NKAIN3: variants seen among roughly 807,000 people sequenced by gnomAD.
The protein encoded by NKAIN3 is sodium/potassium transporting ATPase interacting 3.
Under a neutral mutation model 30.2 loss-of-function variants are expected in NKAIN3, and 25 were observed. The ratio of observed to expected loss-of-function variants is 0.83; its 90% CI spans 0.60 to 1.16. The LOEUF (loss-of-function observed/expected upper bound fraction) is 1.16. Ranked by LOEUF, NKAIN3 falls within the 50% of genes most tolerant of loss-of-function variation. NKAIN3 has a pLI of 0.00. For synonymous variants in NKAIN3, 91 were observed against 89.6 expected, an observed-to-expected ratio of 1.02 and a Z score of -0.09; for missense variants, 225 against 254.1, an observed-to-expected ratio of 0.89 and a Z score of 0.78.
chr8:62,331,896 C>A (rs981497998), intron 1 of NKAIN3, among the ~76,000 whole-genome samples: 2 of 152,058 alleles, frequency 1.3e-5, no homozygotes, highest in African/African-American at 2.4e-5. Flanking sequence ...ATATGAGTCA[C>A]CTAATGTCTT....
At chr8:62,322,316 G>T (rs1050019925) in intron 1 of NKAIN3, among the ~76,000 whole-genome samples, 64 of 152,034 alleles carry the variant, frequency 4.2e-4, no homozygotes, top group African/African-American at 1.5e-3. Flanking sequence ...CTCACGCTCG[G>T]TGCACTGTAC....
At position 62,968,111 on chromosome 8, in the gene NKAIN3, T is replaced by C. The variant is rs1004987595; in HGVS notation, c.*2704T>C. 6.6e-6 allele frequency among the ~76,000 whole-genome samples: 1 copy of C among 152,244 alleles called. No individual in the cohort carries two copies. The highest frequency in any genetic ancestry group is 1.5e-5 in the Non-Finnish European group (1 of 68,034). On this transcript the variant is annotated 3_prime_UTR_variant, in exon 7 of 7. Coordinates refer to ENST00000623646, the MANE Select transcript of NKAIN3 (RefSeq NM_001304533.3). ...AAGATTGTCCTAACATTCTGGATAT[T>C]TGCCACTCATCAGAAACAAGTTAGA...
rs1276709058 is a variant in NKAIN3 at position 62,971,238 on chromosome 8, T to A, written c.*5831T>A. On this transcript the variant is annotated 3_prime_UTR_variant, in exon 7 of 7. Coordinates refer to ENST00000623646, the MANE Select transcript of NKAIN3 (RefSeq NM_001304533.3). The stretch of plus-strand genomic sequence containing the variant: ...TATGCCTCAGAAATACACACACTAC[T>A]TCTGTTTACATCTCATTAGCCAAAA... Among the ~76,000 whole-genome samples the A allele has an allele frequency of 6.6e-6, 1 of 152,204 alleles. No homozygotes were observed. The highest frequency in any genetic ancestry group is 1.5e-5 in the Non-Finnish European group (1 of 68,024).
rs1166593817 is a variant in NKAIN3, at chr8:62,805,957, G to GA, written c.471+58834dup. On this transcript the variant is annotated intron_variant, in intron 4 of 6. Transcript: ENST00000623646. The stretch of plus-strand genomic sequence containing the variant: ...CAATGAACTCAAACAAATTTACAAG[G>GA]AAAAAACAAACAACCCCATCGAAAA... Among the ~76,000 whole-genome samples the GA allele has an allele frequency of 2.6e-5, 4 of 151,472 alleles. No homozygotes were observed. The South Asian group carries it at 6.3e-4, about 24-fold the overall frequency.
At chr8:62,442,624 T>C (rs1325545968) in intron 1 of NKAIN3, among the ~76,000 whole-genome samples, 4 of 151,878 alleles carry the variant, frequency 2.6e-5, no homozygotes, top group South Asian at 2.1e-4. Context: ...ATTTTCTTTT[T>C]ATTTTTGGCT....
chr8:62,769,302 G>A lies in NKAIN3; in HGVS notation c.471+22173G>A, dbSNP rs188250842. On this transcript the variant is annotated intron_variant, in intron 4 of 6. Transcript: ENST00000623646. Reference sequence around the variant, plus strand: ...ATAAAATAATATGCCCCAATTATCCGGATGTGTAATTTAGGAAGTAATAAA... The same window carrying A: ...ATAAAATAATATGCCCCAATTATCCAGATGTGTAATTTAGGAAGTAATAAA... 3.3e-4 allele frequency among the ~76,000 whole-genome samples: 50 copies of A among 152,266 alleles called. No homozygotes were observed. In the East Asian group the frequency reaches 7.3e-3, roughly 22 times the overall value.
Position 62,970,125 on chromosome 8 carries a change from T to C in NKAIN3, c.*4718T>C, listed in dbSNP as rs904151369. 1.7e-5 allele frequency among the ~76,000 whole-genome samples: 1 copy of C among 59,508 alleles called. No homozygotes were observed. Among genetic ancestry groups the C allele is most frequent in the Non-Finnish European group, 2.6e-5 (1 of 38,166 alleles). 39.0% of individuals were successfully genotyped at this position (59,508 alleles called of 152,430 possible). A position where few individuals can be genotyped will look rare whatever the true frequency, so the allele number is the denominator to read the frequency against. Reference sequence around the variant, plus strand: ...CTATGACCCCAGCCACTTGAGGGACTGAGGGAAGGGAAGATTACTTGAGCC... The same window carrying C: ...CTATGACCCCAGCCACTTGAGGGACCGAGGGAAGGGAAGATTACTTGAGCC... On this transcript the variant is annotated 3_prime_UTR_variant, in exon 7 of 7. Coordinates refer to ENST00000623646, the MANE Select transcript of NKAIN3 (RefSeq NM_001304533.3).
At chr8:62,881,295 T>C (rs1820973741) in intron 4 of NKAIN3, among the ~76,000 whole-genome samples, 2 of 152,196 alleles carry the variant, frequency 1.3e-5, no homozygotes, top group African/African-American at 4.8e-5. Flanking sequence ...ATTCATCTGT[T>C]CCTCCCTATA....
intron 1 of NKAIN3, among the ~76,000 whole-genome samples, chr8:62,415,801 A>G (rs574819961): frequency 1.3e-5 from 2 of 151,726 alleles, no homozygotes; most frequent in African/African-American, 4.8e-5. Flanking sequence ...TCTGTCGCCC[A>G]GGCTGGAGTG....
At chr8:62,295,242 G>T (rs2129587404) in intron 1 of NKAIN3, among the ~76,000 whole-genome samples, 1 of 152,288 alleles carries the variant, frequency 6.6e-6, no homozygotes, top group African/African-American at 2.4e-5. Flanking sequence ...GAGACAAGCA[G>T]ATTATAGTAG....
At chr8:62,887,591 GC>G (rs1359996683) in intron 4 of NKAIN3, among the ~76,000 whole-genome samples, 1 of 151,508 alleles carries the variant, frequency 6.6e-6, no homozygotes, top group Non-Finnish European at 1.5e-5. Context: ...TTTTTTATTT[GC>G]TTTTTCATTT....
At chr8:62,469,598 A>G (rs1280200991) in intron 1 of NKAIN3, among the ~76,000 whole-genome samples, 4 of 152,046 alleles carry the variant, frequency 2.6e-5, no homozygotes, top group African/African-American at 4.8e-5. Context: ...ATCTCCCCTT[A>G]CTATTTTTAT....
At chr8:62,357,410 C>T (rs1474016887) in intron 1 of NKAIN3, among the ~76,000 whole-genome samples, 2 of 152,222 alleles carry the variant, frequency 1.3e-5, no homozygotes, top group Non-Finnish European at 2.9e-5. Flanking sequence ...CAAGATTCTT[C>T]CTGTCTTCAC....
intron 1 of NKAIN3, among the ~76,000 whole-genome samples, chr8:62,336,580 C>T (rs1291869948): frequency 6.6e-6 from 1 of 151,834 alleles, no homozygotes; most frequent in African/African-American, 2.4e-5. Context: ...TGCTTGATTC[C>T]AAAGCTGTCC....
intron 3 of NKAIN3, among the ~76,000 whole-genome samples, chr8:62,661,356 A>T (rs1481864288): frequency 6.6e-6 from 1 of 152,208 alleles, no homozygotes; most frequent in African/African-American, 2.4e-5. Flanking sequence ...CACAGCTCAC[A>T]GCTTCTTGAC....
intron 6 of NKAIN3, among the ~76,000 whole-genome samples, chr8:62,960,118 T>C (rs1264774235): frequency 1.3e-5 from 2 of 152,248 alleles, no homozygotes; most frequent in Admixed American, 6.5e-5. Flanking sequence ...TGTGTGTATA[T>C]AGCTTACGCA....
chr8:62,612,580 T>G (rs1228786670), intron 3 of NKAIN3, among the ~76,000 whole-genome samples: 1 of 151,958 alleles, frequency 6.6e-6, no homozygotes, highest in Non-Finnish European at 1.5e-5. Flanking sequence ...GTCTTTTGAT[T>G]AAAGAGTTTA....
At chr8:62,512,056 G>A (rs13254521) in intron 1 of NKAIN3, among the ~76,000 whole-genome samples, 17,881 of 151,978 alleles carry the variant, frequency 0.12, 1,322 homozygotes, top group African/African-American at 0.21. Flanking sequence ...CATGTCATAG[G>A]CACTTAATAA....
At chr8:62,935,320 T>C (rs2130876495) in intron 5 of NKAIN3, among the ~76,000 whole-genome samples, 1 of 152,276 alleles carries the variant, frequency 6.6e-6, no homozygotes, top group East Asian at 1.9e-4. Flanking sequence ...AATGAGAGTG[T>C]ATCCTCAAAA....
Sources: allele counts gnomAD v4.1 joint callset (sites outside exome capture counted in the v4.1 genomes callset), GRCh38; gene constraint gnomAD v4.1.1; transcripts MANE v1.5; gene names NCBI Gene and HGNC (gene_info 2026-07-23, HGNC 2026-07-21).